RFX4: variants seen among roughly 807,000 people sequenced by gnomAD.
RFX4 encodes regulatory factor X4, also known as transcription factor RFX4.
In RFX4, 10 loss-of-function variants were observed where a neutral mutation model predicts 95.0. The observed-to-expected ratio is 0.11, with a 90% CI of 0.06 to 0.18. The LOEUF (loss-of-function observed/expected upper bound fraction) is 0.18, where lower values mean the gene tolerates loss of function less well. Ranked by LOEUF, RFX4 falls within the 10% of genes least tolerant of loss-of-function variation. RFX4 has a pLI of 1.00. For synonymous variants in RFX4, 321 were observed against 340.7 expected, an observed-to-expected ratio of 0.94 and a Z score of 0.64; for missense variants, 640 against 922.0, an observed-to-expected ratio of 0.69 and a Z score of 3.96.
intron 1 of RFX4, among the ~76,000 whole-genome samples, chr12:106,601,930 G>A (rs2039719277): frequency 6.6e-6 from 1 of 152,210 alleles, no homozygotes; most frequent in Non-Finnish European, 1.5e-5. Flanking sequence ...TTAAGGACCA[G>A]CTGAAATGCC....
At chr12:106,695,926 G>A (rs1041218295) in intron 7 of RFX4, among the ~76,000 whole-genome samples, 7 of 152,086 alleles carry the variant, frequency 4.6e-5, no homozygotes, top group African/African-American at 7.2e-5. Flanking sequence ...CTAGTGCTCC[G>A]ACCTTTTTAA....
intron 4 of RFX4, among the ~76,000 whole-genome samples, chr12:106,663,286 T>G (rs754846357): frequency 6.6e-6 from 1 of 152,066 alleles, no homozygotes; most frequent in Non-Finnish European, 1.5e-5. Flanking sequence ...CTTGTTAGAT[T>G]TCTACATAAG....
rs1003685582 is a variant in RFX4 at position 106,720,699 on chromosome 12, GA to G, written c.1234-59del. 12 of 1,522,544 alleles carry G rather than the reference GA, an allele frequency of 7.9e-6. No homozygotes were observed. Among genetic ancestry groups the G allele is most frequent in the Non-Finnish European group, 1.1e-5 (12 of 1,097,498 alleles). The allele number at this position is 1,522,544 out of a possible 1,614,324, so 94.3% of individuals were successfully genotyped here. ...ACTTCAACCGGCCTCATTTTTCAAA[GA>G]GACAGTAATAAATGAAAGGTCAAGT... On this transcript the variant is annotated intron_variant, in intron 12 of 17. Transcript: ENST00000392842. This position sits in a 1 kb window ranked among gnomAD's most constrained non-coding sequence, Gnocchi z 4.2.
intron 15 of RFX4, among the ~76,000 whole-genome samples, chr12:106,740,504 CTT>C (rs892900793): frequency 2.0e-4 from 31 of 151,484 alleles, no homozygotes; most frequent in African/African-American, 7.0e-4. Flanking sequence ...TTAATTGACT[CTT>C]TTTTTTTGGA....
intron 13 of RFX4, among the ~76,000 whole-genome samples, chr12:106,727,862 G>T (rs2042533647): frequency 6.6e-6 from 1 of 152,078 alleles, no homozygotes; most frequent in African/African-American, 2.4e-5. Context: ...ATCATGATCT[G>T]CCCGCCTCGG....
At chr12:106,702,625 A>C (rs2042012725) in intron 8 of RFX4, among the ~76,000 whole-genome samples, 1 of 152,168 alleles carries the variant, frequency 6.6e-6, no homozygotes, top group African/African-American at 2.4e-5. Context: ...TGTGCTTTGG[A>C]TCTCAGAGTT....
intron 17 of RFX4, among the ~76,000 whole-genome samples, chr12:106,757,701 T>G (rs1273194355): frequency 6.6e-6 from 1 of 152,208 alleles, no homozygotes; most frequent in Non-Finnish European, 1.5e-5. Flanking sequence ...GGAAAACAGT[T>G]TGTGCTCCTG....
chr12:106,711,299 C>T (rs1417369833), intron 9 of RFX4, among the ~76,000 whole-genome samples, 154 bp from the exon 10 acceptor site: 1 of 152,172 alleles, frequency 6.6e-6, no homozygotes, highest in African/African-American at 2.4e-5. Context: ...GAATCAAGTG[C>T]AGGGTTTTGC....
intron 3 of RFX4, among the ~76,000 whole-genome samples, chr12:106,648,172 G>T (rs2040785584): frequency 6.6e-6 from 1 of 152,184 alleles, no homozygotes; most frequent in Admixed American, 6.5e-5. Flanking sequence ...TAGCAGATGG[G>T]GTTGAGTGTG....
chr12:106,635,356 C>T (rs1034891970), intron 2 of RFX4, among the ~76,000 whole-genome samples: 1 of 152,136 alleles, frequency 6.6e-6, no homozygotes, highest in Admixed American at 6.5e-5. Flanking sequence ...TCACTCCTGT[C>T]ACACAGGCTG....
Position 106,591,261 on chromosome 12 carries a change from CCTTT to C in RFX4, c.43+7899_43+7902del, listed in dbSNP as rs1404113588. The stretch of plus-strand genomic sequence containing the variant: ...CCTATATGAAAGTGTTAAAATAGTC[CCTTT>C]TTTTTTTTTTTTTTTTTTTTTTGAC... On this transcript the variant is annotated intron_variant, in intron 1 of 17. Coordinates refer to ENST00000392842, the MANE Select transcript of RFX4 (RefSeq NM_213594.3). Among the ~76,000 whole-genome samples, 241 of 66,432 alleles carry C rather than the reference CCTTT, an allele frequency of 3.6e-3. 2 individuals carry two copies. The highest frequency in any genetic ancestry group is 0.015 in the African/African-American group (232 of 15,312). The allele number at this position is 66,432 out of a possible 152,430, so 43.6% of individuals were successfully genotyped here. A position where few individuals can be genotyped will look rare whatever the true frequency, so the allele number is the denominator to read the frequency against.
intron 7 of RFX4, among the ~76,000 whole-genome samples, chr12:106,693,612 G>T (rs1334053272): frequency 6.6e-6 from 1 of 152,154 alleles, no homozygotes; most frequent in Non-Finnish European, 1.5e-5. Context: ...GAATGAGCTG[G>T]GATCAGGGGA....
At chr12:106,715,026 C>T (rs987671158) in intron 10 of RFX4, 1 of 163,486 alleles carries the variant, frequency 6.1e-6, no homozygotes, top group African/African-American at 2.4e-5. Context: ...ACTGGAGACA[C>T]AAGGATAATT....
intron 1 of RFX4, among the ~76,000 whole-genome samples, chr12:106,587,738 C>T (rs1279034604): frequency 2.0e-5 from 3 of 152,202 alleles, no homozygotes; most frequent in Non-Finnish European, 2.9e-5. Context: ...TTCCCCACGA[C>T]CCGTGGGTCG....
At chr12:106,603,056 C>G (rs569559996) in intron 1 of RFX4, among the ~76,000 whole-genome samples, 2 of 152,192 alleles carry the variant, frequency 1.3e-5, no homozygotes, top group African/African-American at 4.8e-5. Flanking sequence ...TGTTCATCCC[C>G]TCTGTTTGAA....
Position 106,715,438 on chromosome 12 carries a change from C to G in RFX4, c.1032C>G (p.Phe344Leu), listed in dbSNP as rs371418052. 9 of 1,614,036 alleles carry G rather than the reference C, an allele frequency of 5.6e-6. No homozygotes were observed. The highest frequency in any genetic ancestry group is 6.8e-6 in the Non-Finnish European group (8 of 1,180,018). ...RTVIHSADIT[F>L]QMLEDWRNVD... is the part of the protein sequence containing the mutation. ...TGATCCACAGTGCAGACATCACGTT[C>G]CAAATGCTGGAAGACTGGAGGAACG... The change falls in exon 11 of 18, where the codon TTC (phenylalanine) becomes TTG (leucine). Residue 344 changes from phenylalanine to leucine, a missense_variant. Phe to Leu is a conservative substitution (Grantham distance 22, BLOSUM62 0). Around this residue, in one of 7 missense-constraint regions of RFX4, gnomAD observed 96 missense variants for 183.7 expected, o/e 0.52. Coordinates refer to ENST00000392842, the MANE Select transcript of RFX4 (RefSeq NM_213594.3).
intron 11 of RFX4, among the ~76,000 whole-genome samples, chr12:106,717,105 CT>C (rs2042309254): frequency 6.6e-6 from 1 of 151,962 alleles, no homozygotes; most frequent in Non-Finnish European, 1.5e-5. Flanking sequence ...TTCCTGTCCC[CT>C]GATGGAAAGT....
At chr12:106,601,172 T>C in intron 1 of RFX4, 2 of 1,504,142 alleles carry the variant, frequency 1.3e-6, no homozygotes, top group South Asian at 1.3e-5. Flanking sequence ...AGCCACCCCC[T>C]GGAGAGGCCA....
At chr12:106,727,270 T>C (rs1398133070) in intron 13 of RFX4, among the ~76,000 whole-genome samples, 2 of 152,202 alleles carry the variant, frequency 1.3e-5, no homozygotes, top group African/African-American at 4.8e-5. Context: ...AAGCATTTGA[T>C]ACATTTCAGC....
Sources: allele counts gnomAD v4.1 joint callset (sites outside exome capture counted in the v4.1 genomes callset), GRCh38; gene constraint gnomAD v4.1.1; regional missense constraint gnomAD v4.1.1; non-coding constraint Gnocchi (gnomAD v3.1); transcripts MANE v1.5; gene names NCBI Gene and HGNC (gene_info 2026-07-23, HGNC 2026-07-21).